Variants in ADGRB3 observed in about 807,000 individuals in gnomAD.
ADGRB3 encodes the protein brain-specific angiogenesis inhibitor 3.
ADGRB3 carries 37 observed loss-of-function variants against 193.4 expected under a neutral mutation model. The observed-to-expected ratio is 0.19, with a 90% CI of 0.15 to 0.25. ADGRB3 has a LOEUF of 0.25. ADGRB3 is among the 10% of genes least tolerant of loss of function. The pLI is 1.00. For synonymous variants in ADGRB3, 690 were observed against 644.2 expected (o/e 1.07, Z -1.08); for missense variants, 1,637 against 1,852.9 (o/e 0.88, Z 2.14).
chr6:69,078,358 T>A (rs1461542432), intron 17 of ADGRB3, among the ~76,000 whole-genome samples: 1 of 152,004 alleles, frequency 6.6e-6, no homozygotes, highest in African/African-American at 2.4e-5. Flanking sequence ...CACCCATATC[T>A]CTAAGATCAT....
chr6:69,319,361 T>C (rs1022686309), intron 20 of ADGRB3, among the ~76,000 whole-genome samples: 1 of 151,306 alleles, frequency 6.6e-6, no homozygotes, highest in Non-Finnish European at 1.5e-5. Context: ...TTGAATTTAT[T>C]TTATTTCACT....
chr6:68,856,643 C>G (rs896426364), intron 3 of ADGRB3, among the ~76,000 whole-genome samples: 1 of 151,574 alleles, frequency 6.6e-6, no homozygotes, highest in South Asian at 2.1e-4. Flanking sequence ...GACTTGGAGG[C>G]TGTTAAATGC....
rs1319469666 is a variant in ADGRB3, at chr6:69,124,253, A to G, written c.2480+48215A>G. On this transcript the variant is annotated intron_variant, in intron 17 of 31. Coordinates refer to ENST00000370598, the MANE Select transcript of ADGRB3 (RefSeq NM_001704.3). ...CTTTTTGTGTCCCATTGAAAATGCCATTATTTGTTTATTTCTCTTTTTATT... is the reference window on the plus strand; with the variant it reads ...CTTTTTGTGTCCCATTGAAAATGCCGTTATTTGTTTATTTCTCTTTTTATT... Among the ~76,000 whole-genome samples the G allele has an allele frequency of 3.3e-5, 5 of 152,198 alleles. No homozygotes were observed. The East Asian group carries it at 9.6e-4, about 29-fold the overall frequency.
intron 20 of ADGRB3, among the ~76,000 whole-genome samples, chr6:69,240,543 GAGAC>G (rs1411807947): frequency 2.0e-5 from 3 of 151,898 alleles, no homozygotes; most frequent in Admixed American, 6.6e-5. Context: ...AAAAAAGAGA[GAGAC>G]AGAATGACTA....
chr6:68,921,041 C>T (rs1039892648), intron 3 of ADGRB3, among the ~76,000 whole-genome samples: 10 of 151,298 alleles, frequency 6.6e-5, no homozygotes, highest in Non-Finnish European at 1.2e-4. Flanking sequence ...TAGGATATCT[C>T]GAGAAAAAAG....
intron 3 of ADGRB3, among the ~76,000 whole-genome samples, chr6:68,859,790 C>T (rs1012913345): frequency 2.0e-5 from 3 of 152,088 alleles, no homozygotes; most frequent in African/African-American, 7.2e-5. Flanking sequence ...GGGGACACAG[C>T]CAAACCATAT....
At chr6:68,640,469 C>T (rs1768061678) in intron 3 of ADGRB3, among the ~76,000 whole-genome samples, 1 of 152,144 alleles carries the variant, frequency 6.6e-6, no homozygotes, top group Admixed American at 6.5e-5. Context: ...TGTTGTGTTC[C>T]ACTCCTTTAA....
chr6:69,048,119 G>A, intron 13 of ADGRB3, 66 bp from the exon 14 acceptor site: 1 of 1,489,238 alleles, frequency 6.7e-7, no homozygotes, highest in Non-Finnish European at 9.2e-7. Flanking sequence ...GATTTACCTT[G>A]ATCAACACTG....
At chr6:69,093,157 G>A (rs1772764772) in intron 17 of ADGRB3, among the ~76,000 whole-genome samples, 1 of 151,820 alleles carries the variant, frequency 6.6e-6, no homozygotes, top group African/African-American at 2.4e-5. Flanking sequence ...CCTACGTTCA[G>A]GGGTACAAGG....
intron 3 of ADGRB3, among the ~76,000 whole-genome samples, chr6:68,894,138 T>A (rs1766155576): frequency 6.6e-6 from 1 of 151,980 alleles, no homozygotes; most frequent in Admixed American, 6.6e-5. Context: ...AATTACTTCA[T>A]CATCACGTAG....
chr6:69,043,322 AAGAAAGAAAG>A (rs1284674946), intron 13 of ADGRB3, among the ~76,000 whole-genome samples: 2 of 126,390 alleles, frequency 1.6e-5, no homozygotes, highest in African/African-American at 6.1e-5. Context: ...GAAAGAAAGA[AAGAAAGAAAG>A]AGAAAGAAAA....
intron 3 of ADGRB3, among the ~76,000 whole-genome samples, chr6:68,786,049 A>G (rs566852394): frequency 0.016 from 2,418 of 148,860 alleles, 81 homozygotes; most frequent in African/African-American, 0.058. Context: ...GATTCTGGAT[A>G]TTAGCCCGTT....
intron 13 of ADGRB3, among the ~76,000 whole-genome samples, chr6:69,042,778 A>G (rs1341420584): frequency 6.6e-6 from 1 of 152,244 alleles, no homozygotes; most frequent in Non-Finnish European, 1.5e-5. Context: ...TTGATGAGAC[A>G]AGGTTCCATT....
chr6:69,183,702 A>G (rs978648572), intron 17 of ADGRB3, among the ~76,000 whole-genome samples: 1 of 152,120 alleles, frequency 6.6e-6, no homozygotes. Context: ...TTAACCTTAA[A>G]TTACAAATTA....
chr6:68,746,888 T>C lies in ADGRB3; in HGVS notation c.757+107456T>C, dbSNP rs189402626. Among the ~76,000 whole-genome samples the C allele has an allele frequency of 3.2e-3, 486 of 152,314 alleles. 3 individuals are homozygous for C. Among genetic ancestry groups the C allele is most frequent in the African/African-American group, 0.011 (464 of 41,568 alleles). ...AGTCCATTTGCTTTCCCTTGTGGTT[T>C]TTTGTATTTGCTTAGTTATTGGGTT... On this transcript the variant is annotated intron_variant, in intron 3 of 31. Transcript: ENST00000370598.
intron 20 of ADGRB3, among the ~76,000 whole-genome samples, chr6:69,309,397 T>G (rs1321633221): frequency 1.3e-5 from 2 of 151,710 alleles, no homozygotes; most frequent in African/African-American, 4.8e-5. Context: ...TGCATTAAAT[T>G]GCATCCTAGA....
At chr6:68,657,002 C>T (rs1192921044) in intron 3 of ADGRB3, among the ~76,000 whole-genome samples, 1 of 151,464 alleles carries the variant, frequency 6.6e-6, no homozygotes, top group African/African-American at 2.4e-5. Context: ...TTGTTTTAGG[C>T]TGCCCATAGA....
intron 3 of ADGRB3, among the ~76,000 whole-genome samples, chr6:68,761,714 G>C (rs992824383): frequency 6.7e-6 from 1 of 149,326 alleles, no homozygotes; most frequent in Non-Finnish European, 1.5e-5. Context: ...TTTCAAACTT[G>C]TTTGTCCTCT....
intron 3 of ADGRB3, among the ~76,000 whole-genome samples, chr6:68,725,446 T>A (rs949682124): frequency 6.6e-6 from 1 of 151,624 alleles, no homozygotes; most frequent in Non-Finnish European, 1.5e-5. Context: ...GCCAAAGATA[T>A]GAAATAAGCC....
Sources: gnomAD v4.1 joint callset for allele counts (sites outside exome capture counted in the v4.1 genomes callset) on GRCh38, gnomAD v4.1.1 for gene constraint, MANE v1.5 for transcripts, NCBI Gene and HGNC (gene_info 2026-07-23, HGNC 2026-07-21) for gene names.